Variants in SYT1 observed in about 807,000 individuals in gnomAD.
SYT1 encodes the protein synaptotagmin-1.
In SYT1, 8 loss-of-function variants were observed where a neutral mutation model predicts 44.8. The observed-to-expected ratio is 0.18, with a 90% CI of 0.10 to 0.32. The LOEUF (loss-of-function observed/expected upper bound fraction) is 0.32. SYT1 is among the 10% of genes least tolerant of loss of function. The pLI is 1.00. For synonymous variants in SYT1, 154 were observed against 188.8 expected (o/e 0.82, Z 1.51); for missense variants, 286 against 509.3 (o/e 0.56, Z 4.22).
intron 8 of SYT1, among the ~76,000 whole-genome samples, chr12:79,334,920 G>GC (rs1296625645): frequency 6.6e-6 from 1 of 152,034 alleles, no homozygotes; most frequent in African/African-American, 2.4e-5. Context: ...TATTAGGAGA[G>GC]CCAGGAACAT....
intron 1 of SYT1, among the ~76,000 whole-genome samples, chr12:78,974,344 GA>G (rs1868654367): frequency 2.0e-5 from 3 of 151,838 alleles, no homozygotes; most frequent in African/African-American, 7.3e-5. Context: ...GTGCTATGAA[GA>G]AAAATATAGC....
intron 1 of SYT1, among the ~76,000 whole-genome samples, chr12:78,970,097 T>C (rs1868339944): frequency 6.6e-6 from 1 of 152,158 alleles, no homozygotes; most frequent in Non-Finnish European, 1.5e-5. Flanking sequence ...CTCAATGTAT[T>C]AATGATGGAA....
chr12:78,913,598 T>C, intron 1 of SYT1, among the ~76,000 whole-genome samples: 1 of 151,890 alleles, frequency 6.6e-6, no homozygotes, highest in East Asian at 1.9e-4. Flanking sequence ...TCCTCATTCA[T>C]TCTTTACTCT....
intron 9 of SYT1, among the ~76,000 whole-genome samples, chr12:79,428,040 T>A (rs548662013): frequency 7.9e-5 from 12 of 152,198 alleles, no homozygotes; most frequent in Non-Finnish European, 1.6e-4. Context: ...CTGTGATAAC[T>A]AATATTAACT....
intron 3 of SYT1, among the ~76,000 whole-genome samples, chr12:79,191,747 A>G (rs1246773839): frequency 1.3e-5 from 2 of 152,058 alleles, no homozygotes; most frequent in African/African-American, 4.8e-5. Flanking sequence ...TGCTTCAGGG[A>G]CTTCACACAT....
chr12:79,025,625 A>T (rs1872479248), intron 2 of SYT1, among the ~76,000 whole-genome samples: 1 of 151,552 alleles, frequency 6.6e-6, no homozygotes, highest in African/African-American at 2.4e-5. Flanking sequence ...CATATATATG[A>T]TATATGTATG....
At chr12:78,870,399 G>C (rs1258972053) in intron 1 of SYT1, among the ~76,000 whole-genome samples, 1 of 152,000 alleles carries the variant, frequency 6.6e-6, no homozygotes, top group Non-Finnish European at 1.5e-5. Flanking sequence ...AAAGTGCTTA[G>C]AGTTCCGATA....
chr12:79,327,397 C>T (rs1258769957), intron 8 of SYT1, among the ~76,000 whole-genome samples: 2 of 152,118 alleles, frequency 1.3e-5, no homozygotes, highest in African/African-American at 2.4e-5. Context: ...ACTGTTAAGT[C>T]ACAGAATCTG....
intron 4 of SYT1, among the ~76,000 whole-genome samples, chr12:79,239,701 G>A (rs2138646766): frequency 6.6e-6 from 1 of 152,308 alleles, no homozygotes; most frequent in South Asian, 2.1e-4. Flanking sequence ...TCCAAGCCCA[G>A]CCTAACAGGG....
chr12:79,069,329 T>C (rs1876102793), intron 3 of SYT1, among the ~76,000 whole-genome samples: 1 of 152,142 alleles, frequency 6.6e-6, no homozygotes, highest in Non-Finnish European at 1.5e-5. Context: ...CACTGTTTCT[T>C]CTATAATTTT....
intron 9 of SYT1, among the ~76,000 whole-genome samples, chr12:79,391,143 GTGGTTAAAGCAGT>G (rs1884640958): frequency 6.6e-6 from 1 of 152,200 alleles, no homozygotes. Context: ...TCTTGACCCA[GTGGTTAAAGCAGT>G]TGTTTTCAAT....
intron 3 of SYT1, among the ~76,000 whole-genome samples, chr12:79,088,639 T>G (rs1411583099): frequency 6.6e-6 from 1 of 151,960 alleles, no homozygotes; most frequent in East Asian, 1.9e-4. Flanking sequence ...AACTTAGGTT[T>G]TAAAAGAATT....
rs113853677 is a variant in SYT1 at position 79,048,806 on chromosome 12, G to C, written c.-18+1444G>C. On this transcript the variant is annotated intron_variant, in intron 3 of 10. Transcript: ENST00000261205. ...TTTTGAAACCTGCAAATCTGCGTGAGTTACAAGATATGAAATAAGTGAGAA... is the reference window on the plus strand; with the variant it reads ...TTTTGAAACCTGCAAATCTGCGTGACTTACAAGATATGAAATAAGTGAGAA... 1.7e-3 allele frequency among the ~76,000 whole-genome samples: 253 copies of C among 151,904 alleles called. 2 individuals are homozygous for C. Among genetic ancestry groups the C allele is most frequent in the Middle Eastern group, 0.01 (3 of 294 alleles).
intron 1 of SYT1, among the ~76,000 whole-genome samples, chr12:78,870,008 G>A (rs771392481): frequency 6.6e-5 from 10 of 152,100 alleles, no homozygotes; most frequent in Non-Finnish European, 1.5e-4. Context: ...TAAAGCAGAT[G>A]AAGATATAAA....
chr12:79,181,843 A>G (rs945296065), intron 3 of SYT1, among the ~76,000 whole-genome samples: 1 of 151,994 alleles, frequency 6.6e-6, no homozygotes, highest in African/African-American at 2.4e-5. Flanking sequence ...GTTCCTATCA[A>G]TTCTATCATC....
In SYT1 at chr12:78,977,810, A is replaced by G. The variant is rs1374060085; in HGVS notation, c.-205A>G. 6.6e-6 allele frequency: 1 copy of G among 152,376 alleles called. No individual in the cohort carries two copies. The highest frequency in any genetic ancestry group is 1.9e-4 in the East Asian group (1 of 5,186). The allele number at this position is 152,376 out of a possible 1,614,324, so 9.4% of individuals were successfully genotyped here. A position where few individuals can be genotyped will look rare whatever the true frequency, so the allele number is the denominator to read the frequency against. On this transcript the variant is annotated 5_prime_UTR_variant, in exon 2 of 11. Transcript: ENST00000261205. ...CTCTCTCTCTCAAGGGAAAACGGGA[A>G]AACTAGCAAGAGCTAGCAAGAACTA...
At chr12:79,404,428 A>C (rs1885174422) in intron 9 of SYT1, among the ~76,000 whole-genome samples, 1 of 152,184 alleles carries the variant, frequency 6.6e-6, no homozygotes. Context: ...AGCATTAAAC[A>C]AGCCTCTCCC....
At chr12:79,084,278 C>A (rs1380535459) in intron 3 of SYT1, among the ~76,000 whole-genome samples, 1 of 152,064 alleles carries the variant, frequency 6.6e-6, no homozygotes, top group African/African-American at 2.4e-5. Flanking sequence ...ATAGTTTATT[C>A]ATTCATCTAG....
chr12:79,312,881 T>A (rs1191262064), intron 8 of SYT1, among the ~76,000 whole-genome samples: 1 of 151,556 alleles, frequency 6.6e-6, no homozygotes, highest in Non-Finnish European at 1.5e-5. Context: ...CATGTGTAAC[T>A]AACTTTGTAG....
Sources: allele counts gnomAD v4.1 joint callset (sites outside exome capture counted in the v4.1 genomes callset), GRCh38; gene constraint gnomAD v4.1.1; transcripts MANE v1.5; gene names NCBI Gene and HGNC (gene_info 2026-07-23, HGNC 2026-07-21).